PTPRK: variants seen among roughly 807,000 people sequenced by gnomAD.
PTPRK encodes protein tyrosine phosphatase receptor type K.
Under a neutral mutation model 178.0 loss-of-function variants are expected in PTPRK, and 75 were observed. That is an observed-to-expected ratio of 0.42 (90% CI 0.35 to 0.51). PTPRK has a LOEUF of 0.51. PTPRK is among the 20% of genes least tolerant of loss of function. PTPRK has a pLI of 0.02. For synonymous variants in PTPRK, 637 were observed against 620.6 expected (o/e 1.03, Z -0.39); for missense variants, 1,441 against 1,797.8 (o/e 0.80, Z 3.59).
chr6:128,202,018 G>C (rs1159496749), intron 6 of PTPRK, among the ~76,000 whole-genome samples: 2 of 152,074 alleles, frequency 1.3e-5, no homozygotes, highest in Non-Finnish European at 2.9e-5. Context: ...CAATGAGTAT[G>C]GAAAGTGAAG....
intron 3 of PTPRK, among the ~76,000 whole-genome samples, chr6:128,252,832 A>C (rs1281186997): frequency 6.6e-6 from 1 of 152,180 alleles, no homozygotes; most frequent in African/African-American, 2.4e-5. Context: ...GTTTCTCATA[A>C]ATGTTAGCCC....
At chr6:128,321,085 G>A (rs910369581) in intron 3 of PTPRK, 3 of 151,984 alleles carry the variant, frequency 2.0e-5, no homozygotes, top group Non-Finnish European at 4.4e-5. Flanking sequence ...CAAGAATAAA[G>A]ACAAACCTAA....
At chr6:128,092,345 G>A (rs1020450132) in intron 7 of PTPRK, among the ~76,000 whole-genome samples, 27 of 152,078 alleles carry the variant, frequency 1.8e-4, no homozygotes, top group African/African-American at 5.8e-4. Flanking sequence ...AGAAACATAT[G>A]AACAACCAAA....
chr6:128,071,333 C>T (rs1269707709), intron 11 of PTPRK, among the ~76,000 whole-genome samples: 1 of 152,072 alleles, frequency 6.6e-6, no homozygotes, highest in South Asian at 2.1e-4. Flanking sequence ...GGGACAGCTA[C>T]CCAGAAGTAG....
At chr6:128,476,301 A>C (rs1035008453) in intron 1 of PTPRK, among the ~76,000 whole-genome samples, 1 of 152,114 alleles carries the variant, frequency 6.6e-6, no homozygotes, top group African/African-American at 2.4e-5. Flanking sequence ...CAGATATGTT[A>C]ATTGATTTGA....
At chr6:128,230,240 G>A (rs1812076488) in intron 5 of PTPRK, among the ~76,000 whole-genome samples, 1 of 152,188 alleles carries the variant, frequency 6.6e-6, no homozygotes, top group African/African-American at 2.4e-5. Context: ...GACAGGGGAA[G>A]CTAGAAGTCA....
At chr6:128,178,119 ACT>A (rs1237644783) in intron 7 of PTPRK, among the ~76,000 whole-genome samples, 4 of 151,754 alleles carry the variant, frequency 2.6e-5, no homozygotes, top group Non-Finnish European at 5.9e-5. Context: ...CATTAAACCA[ACT>A]CTGTTTAGAA....
intron 1 of PTPRK, among the ~76,000 whole-genome samples, chr6:128,415,162 C>T (rs1260616929): frequency 6.6e-6 from 1 of 152,154 alleles, no homozygotes; most frequent in Non-Finnish European, 1.5e-5. Flanking sequence ...CACACACAAC[C>T]TGGCAGAAAA....
intron 1 of PTPRK, among the ~76,000 whole-genome samples, chr6:128,465,484 A>G (rs76902451): frequency 2.6e-5 from 4 of 152,206 alleles, no homozygotes; most frequent in Non-Finnish European, 4.4e-5. Context: ...TTCATATACC[A>G]TGTTTAAAAA....
intron 6 of PTPRK, among the ~76,000 whole-genome samples, chr6:128,215,606 G>T (rs1390534727): frequency 6.6e-6 from 1 of 151,762 alleles, no homozygotes; most frequent in Non-Finnish European, 1.5e-5. Context: ...TATTCTTCTG[G>T]CTGTGGGAAA....
chr6:128,457,689 C>G (rs1848564303), intron 1 of PTPRK, among the ~76,000 whole-genome samples: 1 of 152,104 alleles, frequency 6.6e-6, no homozygotes, highest in Admixed American at 6.6e-5. Flanking sequence ...AATTAATAGT[C>G]ATTTATGCAT....
chr6:128,461,918 GAAT>G (rs1849097457), intron 1 of PTPRK, among the ~76,000 whole-genome samples: 1 of 152,170 alleles, frequency 6.6e-6, no homozygotes, highest in Non-Finnish European at 1.5e-5. Context: ...CATCATTGAT[GAAT>G]AATATTACAT....
chr6:128,380,732 C>T (rs778935979), intron 2 of PTPRK, among the ~76,000 whole-genome samples: 42 of 152,084 alleles, frequency 2.8e-4, no homozygotes, highest in Non-Finnish European at 4.9e-4. Context: ...GAGAATTTAT[C>T]CTTCTCTCAT....
At chr6:128,029,384 T>G (rs1774888729) in intron 13 of PTPRK, among the ~76,000 whole-genome samples, 1 of 152,008 alleles carries the variant, frequency 6.6e-6, no homozygotes, top group Non-Finnish European at 1.5e-5. Context: ...TCTGACTGCA[T>G]GCAGTGGCTC....
chr6:128,241,491 C>T (rs2128283965), intron 4 of PTPRK, among the ~76,000 whole-genome samples: 1 of 152,310 alleles, frequency 6.6e-6, no homozygotes, highest in Admixed American at 6.5e-5. Context: ...ACAAGAGGCC[C>T]CAGCCTGCTG....
intron 5 of PTPRK, among the ~76,000 whole-genome samples, chr6:128,231,610 C>T (rs562078322): frequency 4.6e-5 from 7 of 152,140 alleles, no homozygotes; most frequent in African/African-American, 7.2e-5. Context: ...TTTAAGTTGG[C>T]GACAAGCTTC....
chr6:127,976,241 T>C (rs772335337), intron 27 of PTPRK, among the ~76,000 whole-genome samples: 4 of 152,202 alleles, frequency 2.6e-5, no homozygotes, highest in African/African-American at 4.8e-5. Context: ...ACATGTCTCT[T>C]TCCTCCTGCA....
At chr6:128,338,779 G>C (rs868162557) in intron 2 of PTPRK, among the ~76,000 whole-genome samples, 3 of 152,140 alleles carry the variant, frequency 2.0e-5, no homozygotes. Context: ...TGATGTCCTA[G>C]TTAAGGATGG....
At chr6:128,154,453 A>G (rs749271857) in intron 7 of PTPRK, among the ~76,000 whole-genome samples, 195 of 151,880 alleles carry the variant, frequency 1.3e-3, no homozygotes, top group Admixed American at 4.5e-3. Flanking sequence ...AGGTTTAATG[A>G]TGGTAAACTA....
Sources: gnomAD v4.1 joint callset for allele counts (sites outside exome capture counted in the v4.1 genomes callset) on GRCh38, gnomAD v4.1.1 for gene constraint, MANE v1.5 for transcripts, NCBI Gene and HGNC (gene_info 2026-07-23, HGNC 2026-07-21) for gene names.